Variants in HLCS observed in about 807,000 individuals in gnomAD.
HLCS encodes biotin--protein ligase.
In HLCS, 53 loss-of-function variants were observed where a neutral mutation model predicts 75.0. That is an observed-to-expected ratio of 0.71 (90% CI 0.57 to 0.89). The LOEUF (loss-of-function observed/expected upper bound fraction) is 0.89, where lower values mean the gene tolerates loss of function less well. Ranked by LOEUF, HLCS falls within the 40% of genes least tolerant of loss-of-function variation. The probability of loss-of-function intolerance (pLI) is 0.00; values close to 1 mark genes in which losing one functional copy is unlikely to be tolerated. For missense variants in HLCS, 966 were observed against 1,074.0 expected (o/e 0.90, Z 1.41); for synonymous variants, 431 against 428.6 (o/e 1.01, Z -0.07).
chr21:36,835,020 GA>G (rs1475009343), intron 6 of HLCS, among the ~76,000 whole-genome samples: 3 of 152,200 alleles, frequency 2.0e-5, no homozygotes, highest in Non-Finnish European at 4.4e-5. Flanking sequence ...GAGAACAGAA[GA>G]TTCTCGAGAT....
intron 5 of HLCS, among the ~76,000 whole-genome samples, chr21:36,898,216 C>T (rs952554703): frequency 1.7e-4 from 26 of 152,102 alleles, no homozygotes; most frequent in African/African-American, 5.3e-4. Flanking sequence ...GAGGCCCAGG[C>T]GGGCAGATCA....
chr21:36,793,516 G>C (rs1003991777), intron 6 of HLCS, among the ~76,000 whole-genome samples: 2 of 151,926 alleles, frequency 1.3e-5, no homozygotes, highest in Admixed American at 1.3e-4. Flanking sequence ...TGGCCAGGCT[G>C]GTCTTGAACT....
At chr21:36,889,470 CA>C (rs2064682013) in intron 6 of HLCS, among the ~76,000 whole-genome samples, 1 of 152,200 alleles carries the variant, frequency 6.6e-6, no homozygotes, top group Admixed American at 6.5e-5. Flanking sequence ...CTATGTTTCA[CA>C]GTCTAGCCTC....
At chr21:36,975,694 G>A (rs1384140607) in intron 1 of HLCS, among the ~76,000 whole-genome samples, 2 of 152,058 alleles carry the variant, frequency 1.3e-5, no homozygotes, top group Non-Finnish European at 2.9e-5. Context: ...AACTGCTGGA[G>A]CCCGGGAGTT....
At chr21:36,777,284 C>T (rs1048172728) in intron 6 of HLCS, among the ~76,000 whole-genome samples, 1 of 152,172 alleles carries the variant, frequency 6.6e-6, no homozygotes, top group East Asian at 1.9e-4. Context: ...TGGCAACCAC[C>T]GGTATTTTTA....
chr21:36,971,611 C>T (rs1233892817), upstream of HLCS, among the ~76,000 whole-genome samples: 2 of 152,054 alleles, frequency 1.3e-5, no homozygotes, highest in East Asian at 3.9e-4. Flanking sequence ...GGCAGATCAC[C>T]TGAAATCAAG....
intron 1 of HLCS, among the ~76,000 whole-genome samples, chr21:36,984,558 A>G (rs1456681040): frequency 1.3e-5 from 2 of 152,204 alleles, no homozygotes; most frequent in Admixed American, 6.5e-5. Flanking sequence ...AACCGCACAC[A>G]ATTTAAAACT....
chr21:36,896,861 C>T lies in HLCS; in HGVS notation c.1891G>A (p.Gly631Arg). The T allele has an allele frequency of 6.2e-7, 1 of 1,614,012 alleles. No homozygotes were observed. Among genetic ancestry groups the T allele is most frequent in the East Asian group, 2.2e-5 (1 of 44,892 alleles). Residue 631 changes from glycine (G) to arginine (R), a missense_variant and splice_region_variant, in exon 6 of 11, where the codon GGG (glycine) becomes AGG (arginine). Physicochemically the swap from Gly to Arg is moderately radical, Grantham distance 125. Coordinates refer to ENST00000674895, the MANE Select transcript of HLCS (RefSeq NM_001352514.2). ...GATGCAGACCTGCTCACACCTTACCCATCCAGGAGACGCATCGTTGTGGGG... is the reference window on the plus strand; with the variant it reads ...GATGCAGACCTGCTCACACCTTACCTATCCAGGAGACGCATCGTTGTGGGG... The part of the protein sequence containing the change: ...VTPTTMRLLD[G>R]LMFQTPQEMG...
chr21:36,775,605 C>A (rs1245071967), intron 6 of HLCS, among the ~76,000 whole-genome samples: 2 of 152,260 alleles, frequency 1.3e-5, no homozygotes, highest in African/African-American at 4.8e-5. Context: ...AGTACTCAGA[C>A]TATCTGTCCC....
At chr21:36,893,771 G>A (rs561681620) in intron 6 of HLCS, among the ~76,000 whole-genome samples, 6 of 152,286 alleles carry the variant, frequency 3.9e-5, no homozygotes, top group East Asian at 3.9e-4. Flanking sequence ...CTACTGCTGC[G>A]CCGCCCCGTT....
At chr21:36,809,677 C>T (rs1312959693) in intron 6 of HLCS, among the ~76,000 whole-genome samples, 1 of 152,110 alleles carries the variant, frequency 6.6e-6, no homozygotes, top group African/African-American at 2.4e-5. Flanking sequence ...TATTTCTCTG[C>T]TGAGCTATCT....
At chr21:36,924,642 C>G (rs992958465) in intron 5 of HLCS, among the ~76,000 whole-genome samples, 1 of 152,188 alleles carries the variant, frequency 6.6e-6, no homozygotes, top group Admixed American at 6.5e-5. Context: ...GGGGCAAGGA[C>G]TCCTTCCCCG....
chr21:36,758,659 T>C (rs2145739774), intron 9 of HLCS, among the ~76,000 whole-genome samples: 1 of 152,246 alleles, frequency 6.6e-6, no homozygotes, highest in South Asian at 2.1e-4. Flanking sequence ...TAGGAATCTC[T>C]GCATCAACTG....
chr21:36,789,644 C>G (rs1353291395), intron 6 of HLCS, among the ~76,000 whole-genome samples: 2 of 152,200 alleles, frequency 1.3e-5, no homozygotes, highest in East Asian at 3.9e-4. Flanking sequence ...GAGAGTAATC[C>G]CGACAGTCTG....
intron 6 of HLCS, among the ~76,000 whole-genome samples, chr21:36,871,317 A>T (rs1233447311): frequency 6.6e-6 from 1 of 152,198 alleles, no homozygotes; most frequent in Admixed American, 6.5e-5. Context: ...ATACCTAAAG[A>T]AGTAAATAAT....
chr21:36,868,522 C>A (rs2835513), intron 6 of HLCS, among the ~76,000 whole-genome samples: 1 of 151,868 alleles, frequency 6.6e-6, no homozygotes, highest in Non-Finnish European at 1.5e-5. Flanking sequence ...ATCTATAGAA[C>A]GTAACAATTT....
chr21:36,989,130 T>C (rs1326410099), intron 1 of HLCS, among the ~76,000 whole-genome samples: 1 of 151,538 alleles, frequency 6.6e-6, no homozygotes, highest in Non-Finnish European at 1.5e-5. Context: ...TCTGCCTCCC[T>C]GGCTAAAGCA....
intron 8 of HLCS, among the ~76,000 whole-genome samples, chr21:36,762,456 A>G (rs1466166463): frequency 1.3e-5 from 2 of 152,172 alleles, no homozygotes; most frequent in Admixed American, 1.3e-4. Flanking sequence ...GAGTTCCGGA[A>G]GGAATGCCTG....
chr21:36,920,348 A>AC (rs2066110331), intron 5 of HLCS, among the ~76,000 whole-genome samples: 1 of 151,762 alleles, frequency 6.6e-6, no homozygotes. Context: ...AAAAGAAAAA[A>AC]AAAAAAAGAC....
Sources: gnomAD v4.1 joint callset for allele counts (sites outside exome capture counted in the v4.1 genomes callset) on GRCh38, gnomAD v4.1.1 for gene constraint, MANE v1.5 for transcripts, NCBI Gene and HGNC (gene_info 2026-07-23, HGNC 2026-07-21) for gene names.